The following PPP2R3A variants were observed in gnomAD, a reference collection of about 807,000 sequenced individuals.
The protein encoded by PPP2R3A is protein phosphatase 2 regulatory subunit B''alpha.
A neutral mutation model predicts 106.9 loss-of-function variants in PPP2R3A; 80 were observed. That is an observed-to-expected ratio of 0.75 (90% CI 0.62 to 0.90). The LOEUF is 0.90. Ranked by LOEUF, PPP2R3A falls within the 40% of genes least tolerant of loss-of-function variation. The probability of loss-of-function intolerance (pLI) is 0.00; values close to 1 mark genes in which losing one functional copy is unlikely to be tolerated. For synonymous variants in PPP2R3A, 483 were observed against 468.3 expected, an observed-to-expected ratio of 1.03 and a Z score of -0.41; for missense variants, 1,386 against 1,350.4, an observed-to-expected ratio of 1.03 and a Z score of -0.41.
intron 13 of PPP2R3A, among the ~76,000 whole-genome samples, chr3:136,108,902 G>A (rs995440713): frequency 3.3e-5 from 5 of 152,256 alleles, no homozygotes; most frequent in Admixed American, 6.5e-5. Flanking sequence ...GATAGATATT[G>A]TCAAACATAC....
chr3:135,978,173 G>A (rs1937472315), intron 1 of PPP2R3A, among the ~76,000 whole-genome samples: 1 of 152,120 alleles, frequency 6.6e-6, no homozygotes, highest in African/African-American at 2.4e-5. Flanking sequence ...CATCAGCCAA[G>A]CATGCCTTAT....
At chr3:136,017,052 A>T (rs1374798636) in intron 2 of PPP2R3A, among the ~76,000 whole-genome samples, 1 of 152,176 alleles carries the variant, frequency 6.6e-6, no homozygotes, top group Non-Finnish European at 1.5e-5. Context: ...TCTGAAAAAG[A>T]CTTTATCTTT....
chr3:135,973,873 T>C (rs1463048289), intron 1 of PPP2R3A, among the ~76,000 whole-genome samples: 3 of 152,158 alleles, frequency 2.0e-5, no homozygotes, highest in Non-Finnish European at 2.9e-5. Context: ...TGACTTTGCA[T>C]TCCCCTCTCA....
chr3:135,969,621 G>A (rs1279011502), intron 1 of PPP2R3A, among the ~76,000 whole-genome samples: 2 of 152,164 alleles, frequency 1.3e-5, no homozygotes, highest in Non-Finnish European at 2.9e-5. Flanking sequence ...GAATTTTTAG[G>A]TGTAAATTAA....
chr3:135,996,381 A>G (rs1167289588), intron 1 of PPP2R3A, among the ~76,000 whole-genome samples: 5 of 152,082 alleles, frequency 3.3e-5, no homozygotes, highest in Non-Finnish European at 7.4e-5. Flanking sequence ...TTTTTTGCTT[A>G]AAGTTAGCAG....
intron 1 of PPP2R3A, among the ~76,000 whole-genome samples, chr3:135,979,250 A>C (rs1269484977): frequency 2.0e-5 from 3 of 151,484 alleles, no homozygotes; most frequent in African/African-American, 4.9e-5. Flanking sequence ...GTGATGGCAC[A>C]CACCTGCAAT....
At chr3:136,122,515 A>G (rs557885477) in intron 13 of PPP2R3A, among the ~76,000 whole-genome samples, 1 of 152,250 alleles carries the variant, frequency 6.6e-6, no homozygotes, top group South Asian at 2.1e-4. Context: ...TGAATACTGT[A>G]TTTTTACCTG....
chr3:136,117,306 C>T (rs1937804391), intron 13 of PPP2R3A, among the ~76,000 whole-genome samples: 1 of 151,946 alleles, frequency 6.6e-6, no homozygotes, highest in African/African-American at 2.4e-5. Context: ...AAATCGACAC[C>T]CTAACATCAC....
At chr3:136,098,039 C>T (rs1236723437) in intron 10 of PPP2R3A, among the ~76,000 whole-genome samples, 2 of 152,188 alleles carry the variant, frequency 1.3e-5, no homozygotes, top group Admixed American at 1.3e-4. Flanking sequence ...ATGAATGTCC[C>T]CCTTTGTTCT....
chr3:136,122,959 G>T (rs1177508560), intron 13 of PPP2R3A, among the ~76,000 whole-genome samples: 2 of 152,132 alleles, frequency 1.3e-5, no homozygotes, highest in African/African-American at 2.4e-5. Flanking sequence ...AATATATTTT[G>T]TAGTTTGGGG....
chr3:136,051,555 C>G (rs1576463878), intron 5 of PPP2R3A, among the ~76,000 whole-genome samples: 2 of 152,314 alleles, frequency 1.3e-5, no homozygotes, highest in African/African-American at 4.8e-5. Flanking sequence ...GTCTCGAACT[C>G]CTGACCTCCG....
intron 5 of PPP2R3A, among the ~76,000 whole-genome samples, chr3:136,052,087 A>G (rs982117308): frequency 2.0e-5 from 3 of 152,236 alleles, no homozygotes; most frequent in African/African-American, 7.2e-5. Context: ...CCAACATTAA[A>G]TATTCCTATG....
chr3:136,088,562 T>C (rs573951301), intron 9 of PPP2R3A, among the ~76,000 whole-genome samples: 1 of 152,348 alleles, frequency 6.6e-6, no homozygotes, highest in East Asian at 1.9e-4. Context: ...AACATACAAG[T>C]ACCTGTATCT....
At chr3:136,076,524 C>G (rs1936599493) in intron 6 of PPP2R3A, among the ~76,000 whole-genome samples, 1 of 152,220 alleles carries the variant, frequency 6.6e-6, no homozygotes, top group Non-Finnish European at 1.5e-5. Context: ...ATGCAAAACT[C>G]TGAGTAGAGT....
chr3:136,020,185 A>G (rs1350716863), intron 2 of PPP2R3A, among the ~76,000 whole-genome samples: 1 of 152,160 alleles, frequency 6.6e-6, no homozygotes, highest in Non-Finnish European at 1.5e-5. Context: ...ATCAAGTTAC[A>G]AAATATTACA....
At chr3:136,023,652 A>G (rs1461198637) in intron 2 of PPP2R3A, among the ~76,000 whole-genome samples, 5 of 152,166 alleles carry the variant, frequency 3.3e-5, no homozygotes, top group African/African-American at 1.2e-4. Flanking sequence ...TTTAAAAAGT[A>G]TGTTAATCCT....
In PPP2R3A at chr3:136,003,557, A is replaced by C. The variant is rs548447174; in HGVS notation, c.1995+64A>C. ...AAAATGTTTAGTGTTTGAAAATTTT[A>C]TAAAGAAAAACTTTTTTGTTAGCCA... On this transcript the variant is annotated intron_variant, in intron 2 of 13. Transcript: ENST00000264977. The C allele has an allele frequency of 2.5e-4, 359 of 1,448,558 alleles. 1 individual carries two copies. The African/African-American group carries it at 3.3e-3, about 14-fold the overall frequency. 89.7% of individuals were successfully genotyped at this position (1,448,558 alleles called of 1,614,324 possible).
chr3:135,998,907 T>C (rs1933508971), intron 1 of PPP2R3A, among the ~76,000 whole-genome samples: 1 of 152,234 alleles, frequency 6.6e-6, no homozygotes, highest in African/African-American at 2.4e-5. Context: ...AAAGTTAAAG[T>C]ATATACATAA....
intron 9 of PPP2R3A, among the ~76,000 whole-genome samples, chr3:136,088,370 T>C (rs1937012074): frequency 6.6e-6 from 1 of 152,230 alleles, no homozygotes; most frequent in Non-Finnish European, 1.5e-5. Context: ...TGTTCCTGTG[T>C]TAATTCGCTT....
Sources: allele counts gnomAD v4.1 joint callset (sites outside exome capture counted in the v4.1 genomes callset), GRCh38; gene constraint gnomAD v4.1.1; transcripts MANE v1.5; gene names NCBI Gene and HGNC (gene_info 2026-07-23, HGNC 2026-07-21).